Variants in OSMR observed in about 807,000 individuals in gnomAD.
OSMR encodes the protein oncostatin M receptor, also known as oncostatin-M-specific receptor subunit beta.
OSMR carries 81 observed loss-of-function variants against 99.9 expected under a neutral mutation model. That is an observed-to-expected ratio of 0.81 (90% CI 0.68 to 0.97). The LOEUF is 0.97. Ranked by LOEUF, OSMR falls within the 50% of genes least tolerant of loss-of-function variation. The pLI, the probability that OSMR is intolerant of heterozygous loss-of-function variation, is 0.00. For missense variants in OSMR, 1,099 were observed against 1,153.4 expected, an observed-to-expected ratio of 0.95 and a Z score of 0.68; for synonymous variants, 406 against 410.4, an observed-to-expected ratio of 0.99 and a Z score of 0.13.
At chr5:38,941,379 G>A (rs545181631) in intron 1 of OSMR, 1 of 231,632 alleles carries the variant, frequency 4.3e-6, no homozygotes, top group South Asian at 1.8e-4. Flanking sequence ...TAAATTGCAA[G>A]CAAACTTATC....
intron 7 of OSMR, among the ~76,000 whole-genome samples, chr5:38,902,626 C>A (rs1012790839): frequency 1.3e-5 from 2 of 152,180 alleles, no homozygotes; most frequent in Non-Finnish European, 2.9e-5. Flanking sequence ...ACTTTGGCAA[C>A]AACCCTAACT....
chr5:38,914,947 A>G (rs147026384), intron 9 of OSMR, among the ~76,000 whole-genome samples: 1 of 152,350 alleles, frequency 6.6e-6, no homozygotes, highest in African/African-American at 2.4e-5. Context: ...CAATATACCC[A>G]TGTAACAAAC....
intron 11 of OSMR, among the ~76,000 whole-genome samples, chr5:38,920,733 A>G (rs1746189748): frequency 6.6e-6 from 1 of 152,210 alleles, no homozygotes; most frequent in East Asian, 1.9e-4. Context: ...CAGACAAACA[A>G]TAAACCAGTT....
intron 1 of OSMR, among the ~76,000 whole-genome samples, chr5:38,851,647 C>G (rs1198757654): frequency 6.6e-6 from 1 of 152,194 alleles, no homozygotes; most frequent in Non-Finnish European, 1.5e-5. Context: ...AGGGGCACAG[C>G]TGCACACTGC....
intron 9 of OSMR, among the ~76,000 whole-genome samples, chr5:38,906,178 T>TG (rs1253645725): frequency 6.6e-6 from 1 of 151,662 alleles, no homozygotes; most frequent in Non-Finnish European, 1.5e-5. Context: ...TCTGTTTTTT[T>TG]TTTGAAAATT....
chr5:38,891,942 C>T (rs1387867450), intron 7 of OSMR, among the ~76,000 whole-genome samples: 1 of 152,120 alleles, frequency 6.6e-6, no homozygotes, highest in Non-Finnish European at 1.5e-5. Flanking sequence ...TCACATGATC[C>T]CCCACCCCTG....
At chr5:38,914,588 G>A (rs1487874259) in intron 9 of OSMR, among the ~76,000 whole-genome samples, 2 of 152,102 alleles carry the variant, frequency 1.3e-5, no homozygotes, top group Admixed American at 1.3e-4. Flanking sequence ...GCAAAGACAT[G>A]GACTCTACCT....
At chr5:38,880,348 G>T (rs772656406) in intron 3 of OSMR, among the ~76,000 whole-genome samples, 76 of 152,334 alleles carry the variant, frequency 5.0e-4, no homozygotes, top group Non-Finnish European at 9.6e-4. Context: ...TGTCATGTGT[G>T]TGTTGTCTCC....
chr5:38,920,561 T>C (rs893535635), intron 11 of OSMR, among the ~76,000 whole-genome samples: 1 of 152,220 alleles, frequency 6.6e-6, no homozygotes, highest in Non-Finnish European at 1.5e-5. Context: ...AAAGCCCTCA[T>C]GGGCTTTTAG....
chr5:38,880,508 A>AGCCGCAGTAT (rs879323877), intron 3 of OSMR, among the ~76,000 whole-genome samples: 22 of 152,320 alleles, frequency 1.4e-4, no homozygotes, highest in Admixed American at 1.3e-4. Flanking sequence ...ACCAACAGCT[A>AGCCGCAGTAT]GCCGCAGTAT....
chr5:38,860,461 C>T lies in OSMR; in HGVS notation c.-13-8571C>T, dbSNP rs138938916. 1.4e-3 allele frequency among the ~76,000 whole-genome samples: 219 copies of T among 152,190 alleles called. 1 individual carries two copies. Among genetic ancestry groups the T allele is most frequent in the African/African-American group, 5.1e-3 (212 of 41,512 alleles). On this transcript the variant is annotated intron_variant, in intron 1 of 17. Coordinates refer to ENST00000274276, the MANE Select transcript of OSMR (RefSeq NM_003999.3). ...TATCTTTTTGATGTGTTGTTGGATT[C>T]TATTTGCCTAGTATTTTATTGAGGA...
downstream of OSMR, chr5:38,940,199 A>G (rs1747405769): frequency 4.3e-6 from 1 of 230,648 alleles, no homozygotes; most frequent in Non-Finnish European, 8.6e-6. Flanking sequence ...ATTTCAGGAT[A>G]GATGACCAAG....
chr5:38,868,055 C>T (rs1742082240), intron 1 of OSMR, among the ~76,000 whole-genome samples: 1 of 152,144 alleles, frequency 6.6e-6, no homozygotes, highest in African/African-American at 2.4e-5. Context: ...TTAAATTTAG[C>T]TCTCTTGAGA....
rs562959122 is a variant in OSMR, at chr5:38,878,357, G to A, written c.246+1984G>A. On this transcript the variant is annotated intron_variant, in intron 3 of 17. Coordinates refer to ENST00000274276, the MANE Select transcript of OSMR (RefSeq NM_003999.3). The stretch of plus-strand genomic sequence containing the variant: ...ACTCTCATTCATGCTGGGGGCTGGG[G>A]GGAAGCTTCTGGACTCAATGTCTCG... Among the ~76,000 whole-genome samples, 3 of 152,192 alleles carry A rather than the reference G, an allele frequency of 2.0e-5. No individual in the cohort carries two copies. The East Asian group carries it at 5.8e-4, about 29-fold the overall frequency.
intron 4 of OSMR, 99 bp from the exon 5 acceptor site, chr5:38,883,728 A>G: frequency 6.3e-7 from 1 of 1,598,086 alleles, no homozygotes; most frequent in Non-Finnish European, 8.5e-7. Flanking sequence ...CAGGAGGTAG[A>G]AAAAGCTAAA....
intron 2 of OSMR, chr5:38,944,721 C>A: frequency 1.2e-6 from 1 of 865,780 alleles, no homozygotes; most frequent in Non-Finnish European, 1.8e-6. Flanking sequence ...CTAATAAAAG[C>A]AGATAGCTAA....
intron 5 of OSMR, among the ~76,000 whole-genome samples, chr5:38,884,383 A>G (rs1024366656): frequency 3.9e-5 from 6 of 152,180 alleles, no homozygotes; most frequent in Non-Finnish European, 8.8e-5. Flanking sequence ...CACTGGGAAA[A>G]TACCCTTTTT....
At chr5:38,909,723 A>G (rs1372263416) in intron 9 of OSMR, among the ~76,000 whole-genome samples, 1 of 152,226 alleles carries the variant, frequency 6.6e-6, no homozygotes, top group Non-Finnish European at 1.5e-5. Context: ...GAGATCCTTA[A>G]GGAAGTGCCA....
intron 1 of OSMR, among the ~76,000 whole-genome samples, chr5:38,862,698 C>A (rs1374726698): frequency 1.3e-4 from 19 of 149,790 alleles, no homozygotes; most frequent in African/African-American, 4.7e-4. Context: ...CGGGCAGAGA[C>A]GCTCCTCACT....
Sources: allele counts gnomAD v4.1 joint callset (sites outside exome capture counted in the v4.1 genomes callset), GRCh38; gene constraint gnomAD v4.1.1; transcripts MANE v1.5; gene names NCBI Gene and HGNC (gene_info 2026-07-23, HGNC 2026-07-21).